OASL: variants seen among roughly 807,000 people sequenced by gnomAD.
OASL encodes 2'-5'-oligoadenylate synthetase like.
Under a neutral mutation model 35.3 loss-of-function variants are expected in OASL, and 28 were observed. The ratio of observed to expected loss-of-function variants is 0.79; its 90% CI spans 0.59 to 1.09. The LOEUF is 1.09. Ranked by LOEUF, OASL falls within the 50% of genes least tolerant of loss-of-function variation. The pLI is 0.00. For missense variants in OASL, 620 were observed against 635.2 expected, an observed-to-expected ratio of 0.98 and a Z score of 0.26; for synonymous variants, 252 against 254.6, an observed-to-expected ratio of 0.99 and a Z score of 0.10.
intron 5 of OASL, among the ~76,000 whole-genome samples, chr12:121,022,880 T>C (rs1234942266): frequency 6.6e-6 from 1 of 152,212 alleles, no homozygotes; most frequent in Non-Finnish European, 1.5e-5. Flanking sequence ...TTCTGCTGCC[T>C]CTTAGCAGAG....
intron 2 of OASL, among the ~76,000 whole-genome samples, 196 bp downstream of exon 2, chr12:121,033,265 T>A (rs568668927): frequency 6.6e-6 from 1 of 152,254 alleles, no homozygotes; most frequent in Non-Finnish European, 1.5e-5. Flanking sequence ...GGTCAATTTC[T>A]GTATTCCAAG....
At chr12:121,020,434 C>T in exon 6 of OASL, 2 of 1,036,516 alleles carry the variant, frequency 1.9e-6, no homozygotes, top group Non-Finnish European at 2.8e-6. Context: ...CACGTCTGGC[C>T]TGGGATAACT....
intron 1 of OASL, among the ~76,000 whole-genome samples, chr12:121,035,523 T>TAAAGAAAACA (rs1869917513): frequency 7.9e-6 from 1 of 127,300 alleles, no homozygotes; most frequent in Non-Finnish European, 1.7e-5. Context: ...AGACTCCATC[T>TAAAGAAAACA]AAACAAAACA....
chr12:121,023,979 G>C lies in OASL; in HGVS notation c.1047+11C>G. 1.1e-5 allele frequency: 18 copies of C among 1,613,940 alleles called. No homozygotes were observed. The highest frequency in any genetic ancestry group is 1.4e-5 in the Non-Finnish European group (17 of 1,179,854). On this transcript the variant is annotated intron_variant, in intron 5 of 5. Transcript: ENST00000257570. ...CTTCAAGCCCTTGACAGCCCAGAGA[G>C]GAGCCATTACCTTCACGTTCCAGCT...
At position 121,029,575 on chromosome 12, in the gene OASL, C is replaced by A. The variant is rs1370149200; in HGVS notation, c.658-1758G>T. Among the ~76,000 whole-genome samples the A allele has an allele frequency of 5.9e-5, 9 of 152,132 alleles. No individual in the cohort carries two copies. The East Asian group carries it at 1.7e-3, about 29-fold the overall frequency. On this transcript the variant is annotated intron_variant, in intron 3 of 5. Transcript: ENST00000257570. ...TGGTGGCGGGCACCTGTAGTCCCAG[C>A]TACTCGGGAGGTTGAGGCAGGAGAA...
chr12:121,032,922 TTTTTTTG>T (rs1185774333), intron 2 of OASL, among the ~76,000 whole-genome samples: 3 of 151,992 alleles, frequency 2.0e-5, no homozygotes, highest in African/African-American at 7.3e-5. Context: ...TTTTTGTTTG[TTTTTTTG>T]TTTTTTGTTT....
At chr12:121,038,820 C>T (rs1439988083) in exon 1 of OASL, 2 of 1,614,124 alleles carry the variant, frequency 1.2e-6, no homozygotes, top group South Asian at 2.2e-5. Flanking sequence ...CCCACGCTTC[C>T]CCTGGAAATG....
At chr12:121,018,854 A>G (rs1242673048), downstream of OASL, among the ~76,000 whole-genome samples, 2 of 132,518 alleles carry the variant, frequency 1.5e-5, no homozygotes, top group African/African-American at 5.8e-5. Flanking sequence ...TGGGTGACAG[A>G]GCGAGACTCC....
intron 3 of OASL, among the ~76,000 whole-genome samples, chr12:121,028,617 G>A (rs1181182083): frequency 3.6e-5 from 5 of 138,906 alleles, no homozygotes; most frequent in Admixed American, 7.4e-5. Flanking sequence ...CCTGAAACCC[G>A]CCCCCCCCGC....
At chr12:121,020,001 G>A (rs979642497) in exon 6 of OASL, 1 of 152,552 alleles carries the variant, frequency 6.6e-6, no homozygotes, top group Non-Finnish European at 1.5e-5. Flanking sequence ...GCTGCAGAAG[G>A]CTGTGGGTCC....
At chr12:121,029,580 C>A (rs533878520) in intron 3 of OASL, among the ~76,000 whole-genome samples, 6 of 151,666 alleles carry the variant, frequency 4.0e-5, no homozygotes, top group African/African-American at 1.5e-4. Context: ...CCCAGCTACT[C>A]GGGAGGTTGA....
At chr12:121,019,913 G>A (rs1335570047) in exon 6 of OASL, 1 of 152,314 alleles carries the variant, frequency 6.6e-6, no homozygotes, top group Non-Finnish European at 1.5e-5. Flanking sequence ...GTCATAAATA[G>A]GAAGCAGGAT....
At chr12:121,023,189 G>A (rs1448592586) in intron 5 of OASL, among the ~76,000 whole-genome samples, 3 of 151,770 alleles carry the variant, frequency 2.0e-5, no homozygotes, top group African/African-American at 4.8e-5. Context: ...TGTCTTCTCT[G>A]GTAATTCTAG....
At chr12:121,030,975 A>G (rs1255877020) in intron 3 of OASL, among the ~76,000 whole-genome samples, 1 of 151,918 alleles carries the variant, frequency 6.6e-6, no homozygotes, top group Non-Finnish European at 1.5e-5. Context: ...TCTACAAAAG[A>G]AAAATAAAAA....
At chr12:121,029,962 G>A (rs74757715) in intron 3 of OASL, among the ~76,000 whole-genome samples, 1 of 152,180 alleles carries the variant, frequency 6.6e-6, no homozygotes, top group African/African-American at 2.4e-5. Flanking sequence ...CACCTCCGGG[G>A]CTCAAGTGAT....
chr12:121,035,114 C>T (rs1446800710), intron 1 of OASL, among the ~76,000 whole-genome samples: 2 of 152,036 alleles, frequency 1.3e-5, no homozygotes, highest in Non-Finnish European at 2.9e-5. Context: ...GAATCAGATT[C>T]CAGCTGTTGC....
exon 1 of OASL, chr12:121,039,090 G>T: frequency 2.5e-6 from 2 of 803,674 alleles, no homozygotes. Flanking sequence ...TGCTCTGTGG[G>T]AGGAGGGACC....
Position 121,033,741 on chromosome 12 carries a change from C to T in OASL, c.201G>A (p.Val67=), listed in dbSNP as rs747579634. ...GAACCGTGCCATTCCCGAAGGAGCC[C>T]ACCTGCAGAACACAGAGCCCCGTCA... The change falls in exon 2 of 6, where the codon GTG becomes GTA. Residue 67 remains valine, a splice_region_variant and synonymous_variant. Transcript: ENST00000257570. The T allele has an allele frequency of 1.1e-5, 17 of 1,611,628 alleles. 1 individual carries two copies. Among genetic ancestry groups the T allele is most frequent in the African/African-American group, 1.3e-5 (1 of 74,824 alleles).
At chr12:121,020,668 C>T in exon 6 of OASL, 1 of 1,614,232 alleles carries the variant, frequency 6.2e-7, no homozygotes, top group South Asian at 1.1e-5. Flanking sequence ...AGGACTTGGC[C>T]TTGGAATTCC....
Sources: gnomAD v4.1 joint callset for allele counts (sites outside exome capture counted in the v4.1 genomes callset) on GRCh38, gnomAD v4.1.1 for gene constraint, MANE v1.5 for transcripts, NCBI Gene and HGNC (gene_info 2026-07-23, HGNC 2026-07-21) for gene names.